VTI1A: variants seen among roughly 807,000 people sequenced by gnomAD.
The protein encoded by VTI1A is vesicle transport through interaction with t-SNAREs homolog 1A.
Under a neutral mutation model 34.9 loss-of-function variants are expected in VTI1A, and 22 were observed. The observed-to-expected ratio is 0.63, with a 90% CI of 0.45 to 0.90. The LOEUF (loss-of-function observed/expected upper bound fraction) is 0.90, where lower values mean the gene tolerates loss of function less well. Among genes scored for constraint, VTI1A ranks in the 40% least tolerant of loss-of-function variants. The probability of loss-of-function intolerance (pLI) is 0.00; values close to 1 mark genes in which losing one functional copy is unlikely to be tolerated. For missense variants in VTI1A, 268 were observed against 275.6 expected, an observed-to-expected ratio of 0.97 and a Z score of 0.20; for synonymous variants, 87 against 97.3, an observed-to-expected ratio of 0.89 and a Z score of 0.62.
chr10:112,830,849 A>ATTTTTTTTT, the VTI1A span, among the ~76,000 whole-genome samples: 21 of 33,476 alleles, frequency 6.3e-4, no homozygotes, highest in South Asian at 1.6e-3. Flanking sequence ...ATATATATAT[A>ATTTTTTTTT]TTTTTTTTTT....
chr10:112,470,496 A>G (rs961416331), intron 3 of VTI1A, among the ~76,000 whole-genome samples: 4 of 152,166 alleles, frequency 2.6e-5, no homozygotes, highest in Admixed American at 1.3e-4. Context: ...AAGGCAAGCA[A>G]AGGTTGTCTT....
intron 1 of VTI1A, 95 bp downstream of exon 1, chr10:112,447,562 G>A (rs1186367017): frequency 7.1e-7 from 1 of 1,405,046 alleles, no homozygotes; most frequent in African/African-American, 1.4e-5. Context: ...TATGAGGCGC[G>A]AGGCTGGAGT....
intron 7 of VTI1A, among the ~76,000 whole-genome samples, chr10:112,701,932 A>C (rs1849022480): frequency 6.6e-6 from 1 of 152,210 alleles, no homozygotes; most frequent in Non-Finnish European, 1.5e-5. Flanking sequence ...AAGGGGCAGT[A>C]AGTGAAGGGT....
intron 7 of VTI1A, among the ~76,000 whole-genome samples, chr10:112,792,035 G>A (rs958198800): frequency 6.6e-6 from 1 of 152,164 alleles, no homozygotes; most frequent in African/African-American, 2.4e-5. Flanking sequence ...CAGCACTTTG[G>A]AAGGCTGAGG....
chr10:112,684,485 C>A (rs1404158416), intron 7 of VTI1A, among the ~76,000 whole-genome samples: 1 of 140,936 alleles, frequency 7.1e-6, no homozygotes, highest in African/African-American at 2.7e-5. Flanking sequence ...GTCACCCAGG[C>A]TGCAGTACAG....
the VTI1A span, among the ~76,000 whole-genome samples, chr10:112,844,620 A>G: frequency 3.3e-5 from 5 of 152,168 alleles, no homozygotes; most frequent in African/African-American, 9.7e-5. Context: ...GCTGGTCTTG[A>G]ACTCCTGACC....
chr10:112,564,881 A>G (rs1194833484), intron 5 of VTI1A, among the ~76,000 whole-genome samples: 2 of 152,100 alleles, frequency 1.3e-5, no homozygotes, highest in Non-Finnish European at 2.9e-5. Flanking sequence ...TTTGCCAATA[A>G]TTTTTGTTTT....
chr10:112,480,817 A>G (rs1460116465), intron 3 of VTI1A, among the ~76,000 whole-genome samples: 1 of 152,182 alleles, frequency 6.6e-6, no homozygotes, highest in Non-Finnish European at 1.5e-5. Context: ...GATCTTAAAA[A>G]GGTTCTGATG....
chr10:112,650,263 A>G (rs776874927), intron 5 of VTI1A, among the ~76,000 whole-genome samples: 51 of 152,260 alleles, frequency 3.3e-4, no homozygotes, highest in Middle Eastern at 6.8e-3. Flanking sequence ...GTTAAAAACT[A>G]AGACACAAAC....
At chr10:112,719,234 A>T (rs1849709792) in intron 7 of VTI1A, among the ~76,000 whole-genome samples, 1 of 152,312 alleles carries the variant, frequency 6.6e-6, no homozygotes, top group East Asian at 1.9e-4. Flanking sequence ...AGCCTTGTTT[A>T]TTCAATTTTA....
At chr10:112,491,011 T>C (rs763898760) in intron 3 of VTI1A, among the ~76,000 whole-genome samples, 2 of 149,150 alleles carry the variant, frequency 1.3e-5, no homozygotes, top group Non-Finnish European at 3.0e-5. Context: ...CTGCAAGTGC[T>C]CTTTGACATA....
chr10:112,847,793 C>G, the VTI1A span, among the ~76,000 whole-genome samples: 2,753 of 152,282 alleles, frequency 0.018, 85 homozygotes, highest in African/African-American at 0.063. Context: ...CTTACAAACC[C>G]TATGCTTTTG....
At chr10:112,553,946 AC>A (rs564607429) in intron 5 of VTI1A, among the ~76,000 whole-genome samples, 25 of 152,308 alleles carry the variant, frequency 1.6e-4, no homozygotes, top group African/African-American at 5.8e-4. Flanking sequence ...ATCAGTTAAG[AC>A]CCTAGCTATT....
chr10:112,579,325 A>G (rs1039371514), intron 5 of VTI1A, among the ~76,000 whole-genome samples: 4 of 152,242 alleles, frequency 2.6e-5, no homozygotes, highest in African/African-American at 9.6e-5. Flanking sequence ...CTCATTGAAT[A>G]AGCATAAAAT....
At chr10:112,629,168 T>TG (rs1846036589) in intron 5 of VTI1A, among the ~76,000 whole-genome samples, 2 of 152,226 alleles carry the variant, frequency 1.3e-5, no homozygotes, top group African/African-American at 4.8e-5. Flanking sequence ...CCTCAGACAC[T>TG]TGTCCAGCGC....
rs1564889719 is a variant in VTI1A, at chr10:112,700,130, A to AC, written c.560+31132_560+31133insC. On this transcript the variant is annotated intron_variant, in intron 7 of 7. Coordinates refer to ENST00000393077, the MANE Select transcript of VTI1A (RefSeq NM_145206.4). ...GAGACTCCATCTCAAAAAAAAAAAA[A>AC]AAAAACAAAACAAAAAAAAAAAAAC... Among the ~76,000 whole-genome samples the AC allele has an allele frequency of 4.3e-5, 6 of 140,092 alleles. 1 individual carries two copies. In the East Asian group the frequency reaches 1.2e-3, roughly 27 times the overall value. 91.9% of individuals were successfully genotyped at this position (140,092 alleles called of 152,430 possible).
At chr10:112,485,252 A>C (rs1470079322) in intron 3 of VTI1A, 1 of 152,122 alleles carries the variant, frequency 6.6e-6, no homozygotes, top group Non-Finnish European at 1.5e-5. Context: ...ACTGCACTCC[A>C]GCCTGGGCGA....
rs375405252 is a variant in VTI1A at position 112,752,488 on chromosome 10, A to T, written c.561-62802A>T. 13 of 985,412 alleles carry T rather than the reference A, an allele frequency of 1.3e-5. No individual in the cohort carries two copies. In the East Asian group the frequency reaches 5.7e-4, roughly 43 times the overall value. The allele number at this position is 985,412 out of a possible 1,614,324, so 61.0% of individuals were successfully genotyped here. ...TCACCCACTGCATTTCTGTTGCTCA[A>T]ACTTTTTGACCTTTGTGCTATTTGA... is the stretch of plus-strand genomic sequence containing the variant. On this transcript the variant is annotated intron_variant, in intron 7 of 7. Coordinates refer to ENST00000393077, the MANE Select transcript of VTI1A (RefSeq NM_145206.4).
At chr10:112,727,228 A>G (rs1296519422) in intron 7 of VTI1A, among the ~76,000 whole-genome samples, 1 of 152,212 alleles carries the variant, frequency 6.6e-6, no homozygotes, top group Non-Finnish European at 1.5e-5. Context: ...AGAAGCAACA[A>G]CATGAAACCC....
Sources: gnomAD v4.1 joint callset for allele counts (sites outside exome capture counted in the v4.1 genomes callset) on GRCh38, gnomAD v4.1.1 for gene constraint, MANE v1.5 for transcripts, NCBI Gene and HGNC (gene_info 2026-07-23, HGNC 2026-07-21) for gene names.